Variants in LRRC69 observed in about 807,000 individuals in gnomAD.
LRRC69 encodes leucine-rich repeat-containing protein 69.
LRRC69 carries 42 observed loss-of-function variants against 37.8 expected under a neutral mutation model. That is an observed-to-expected ratio of 1.11 (90% CI 0.87 to 1.44). The LOEUF (loss-of-function observed/expected upper bound fraction) is 1.44, where lower values mean the gene tolerates loss of function less well. Ranked by LOEUF, LRRC69 falls within the 40% of genes most tolerant of loss-of-function variation. The pLI, the probability that LRRC69 is intolerant of heterozygous loss-of-function variation, is 0.00. For synonymous variants in LRRC69, 141 were observed against 143.1 expected, an observed-to-expected ratio of 0.99 and a Z score of 0.11; for missense variants, 357 against 401.9, an observed-to-expected ratio of 0.89 and a Z score of 0.96.
intron 7 of LRRC69, chr8:91,206,907 G>T: frequency 1.7e-6 from 2 of 1,163,584 alleles, no homozygotes; most frequent in Non-Finnish European, 2.2e-6. Context: ...ACTCATACAT[G>T]TTATTCCTGA....
At chr8:91,192,115 G>A (rs1257378862) in intron 6 of LRRC69, among the ~76,000 whole-genome samples, 3 of 151,004 alleles carry the variant, frequency 2.0e-5, no homozygotes, top group Admixed American at 6.6e-5. Context: ...TTGTTCTTGC[G>A]ATAGTTTACT....
chr8:91,182,805 C>T (rs761049472), intron 5 of LRRC69, among the ~76,000 whole-genome samples: 17 of 152,104 alleles, frequency 1.1e-4, no homozygotes, highest in Non-Finnish European at 2.1e-4. Context: ...TGAGCTGTAG[C>T]GTGTAGAGAA....
chr8:91,184,429 T>G (rs929954448), intron 5 of LRRC69, among the ~76,000 whole-genome samples: 1 of 152,194 alleles, frequency 6.6e-6, no homozygotes, highest in African/African-American at 2.4e-5. Flanking sequence ...ACATTGCCAA[T>G]TTGTTTCCAG....
In LRRC69 at chr8:91,114,407, C is replaced by T. The variant is rs931014814; in HGVS notation, c.184-10086C>T. Among the ~76,000 whole-genome samples the T allele has an allele frequency of 8.6e-5, 13 of 151,524 alleles. 1 individual carries two copies. Among genetic ancestry groups the T allele is most frequent in the Admixed American group, 7.9e-4 (12 of 15,206 alleles). ...AAGATATGGGAACAACCAAAATGTC[C>T]ATCAATGGACAAATGAATAAAGAAA... On this transcript the variant is annotated intron_variant, in intron 1 of 7. Coordinates refer to ENST00000448384, the Ensembl canonical transcript of LRRC69.
intron 1 of LRRC69, among the ~76,000 whole-genome samples, chr8:91,107,188 G>A (rs745540009): frequency 4.3e-4 from 65 of 151,824 alleles, no homozygotes; most frequent in Middle Eastern, 3.4e-3. Flanking sequence ...AGGCTGGAGT[G>A]CAGTGGCGTG....
At chr8:91,123,058 A>G (rs1163153624) in intron 1 of LRRC69, among the ~76,000 whole-genome samples, 1 of 152,096 alleles carries the variant, frequency 6.6e-6, no homozygotes, top group Non-Finnish European at 1.5e-5. Flanking sequence ...TGCTGGCTTT[A>G]AAGGGGAAAG....
exon 3 of LRRC69, chr8:91,127,103 T>C (rs778105493): frequency 6.5e-7 from 1 of 1,547,884 alleles, no homozygotes; most frequent in South Asian, 1.2e-5. Flanking sequence ...TTACAAAATT[T>C]AATCCTGCTT....
intron 3 of LRRC69, among the ~76,000 whole-genome samples, chr8:91,131,245 T>G (rs543556739): frequency 3.3e-4 from 48 of 145,258 alleles, no homozygotes; most frequent in African/African-American, 9.0e-4. Flanking sequence ...CTTTTTTTTT[T>G]TTTGTTTTGT....
intron 5 of LRRC69, among the ~76,000 whole-genome samples, chr8:91,137,978 G>T (rs1480765570): frequency 6.6e-6 from 1 of 151,992 alleles, no homozygotes; most frequent in Non-Finnish European, 1.5e-5. Flanking sequence ...TATACACATG[G>T]ATTTAAAGCA....
chr8:91,135,486 A>C (rs1176284642), intron 4 of LRRC69, among the ~76,000 whole-genome samples, 182 bp from the exon 5 acceptor site: 2 of 152,024 alleles, frequency 1.3e-5, no homozygotes, highest in Non-Finnish European at 2.9e-5. Context: ...TGAAGAATTC[A>C]AAGAGCTGGC....
intron 7 of LRRC69, among the ~76,000 whole-genome samples, chr8:91,212,965 C>T (rs74704440): frequency 0.016 from 2,404 of 152,262 alleles, 25 homozygotes; most frequent in Admixed American, 0.027. Flanking sequence ...CTTACCCTTT[C>T]GGAGAACTCT....
intron 5 of LRRC69, among the ~76,000 whole-genome samples, chr8:91,148,756 C>T (rs1445227030): frequency 1.3e-5 from 2 of 151,918 alleles, no homozygotes; most frequent in African/African-American, 2.4e-5. Context: ...TGTTTCCTGA[C>T]TTTTTAATGA....
intron 7 of LRRC69, among the ~76,000 whole-genome samples, chr8:91,214,518 C>G (rs1810002654): frequency 6.6e-6 from 1 of 152,128 alleles, no homozygotes; most frequent in South Asian, 2.1e-4. Flanking sequence ...CATACAATGA[C>G]TAACACTAAG....
chr8:91,200,846 T>C (rs1809701050), intron 7 of LRRC69, 54 bp downstream of exon 7: 1 of 1,423,490 alleles, frequency 7.0e-7, no homozygotes, highest in East Asian at 2.7e-5. Context: ...CTATCCTTTG[T>C]TCTTATCTAA....
chr8:91,176,134 A>ATATAT, intron 5 of LRRC69, among the ~76,000 whole-genome samples: 8 of 75,704 alleles, frequency 1.1e-4, no homozygotes, highest in African/African-American at 2.4e-4. Flanking sequence ...ATATATATAT[A>ATATAT]TTTTTTTTTT....
intron 7 of LRRC69, among the ~76,000 whole-genome samples, chr8:91,207,568 T>C (rs1179179793): frequency 6.6e-6 from 1 of 152,224 alleles, no homozygotes; most frequent in Admixed American, 6.5e-5. Context: ...GAATCCATAA[T>C]AAATGTTAAG....
At chr8:91,170,317 G>C (rs1809105321) in intron 5 of LRRC69, among the ~76,000 whole-genome samples, 1 of 150,366 alleles carries the variant, frequency 6.7e-6, no homozygotes, top group South Asian at 2.1e-4. Flanking sequence ...TGCATAAATG[G>C]CCATACTGCC....
intron 5 of LRRC69, among the ~76,000 whole-genome samples, chr8:91,147,045 T>C (rs1005273610): frequency 6.6e-6 from 1 of 151,456 alleles, no homozygotes; most frequent in African/African-American, 2.4e-5. Context: ...GATTGACTAT[T>C]TCTTTGTGTT....
chr8:91,196,123 T>C lies in LRRC69; in HGVS notation c.754-4490T>C, dbSNP rs537941623. Among the ~76,000 whole-genome samples the C allele has an allele frequency of 4.7e-3, 710 of 151,794 alleles. 5 individuals are homozygous for C. Among genetic ancestry groups the C allele is most frequent in the African/African-American group, 0.016 (680 of 41,502 alleles). ...TTATGAAGCTTAGTTTGGCTGGATA[T>C]GAAATTCTGGGTTGAAAATTCTTTT... On this transcript the variant is annotated intron_variant, in intron 6 of 7. Coordinates refer to ENST00000448384, the Ensembl canonical transcript of LRRC69.
Sources: allele counts gnomAD v4.1 joint callset (sites outside exome capture counted in the v4.1 genomes callset), GRCh38; gene constraint gnomAD v4.1.1; transcripts MANE v1.5; gene names NCBI Gene and HGNC (gene_info 2026-07-23, HGNC 2026-07-21).